The following TMEM184B variants were observed in gnomAD, a reference collection of about 807,000 sequenced individuals.
TMEM184B encodes transmembrane protein 184B.
Under a neutral mutation model 41.8 loss-of-function variants are expected in TMEM184B, and 17 were observed. The observed-to-expected ratio is 0.41, with a 90% CI of 0.28 to 0.61. TMEM184B has a LOEUF of 0.61. TMEM184B is among the 20% of genes least tolerant of loss of function. TMEM184B has a pLI of 0.34. For missense variants in TMEM184B, 393 were observed against 557.8 expected (o/e 0.70, Z 2.98); for synonymous variants, 240 against 229.5 (o/e 1.05, Z -0.41).
At chr22:38,256,870 G>C (rs2092287987) in intron 1 of TMEM184B, among the ~76,000 whole-genome samples, 1 of 151,868 alleles carries the variant, frequency 6.6e-6, no homozygotes. Context: ...ACAGGAAATT[G>C]CAAAAATAGA....
In TMEM184B at chr22:38,225,199, G is replaced by A. The variant is rs144135940; in HGVS notation, c.788-220C>T. ...AAACTGAGATGCCAGCAATTACGCA[G>A]GGTCTCCTGGGCCCTCTCATCCATG... On this transcript the variant is annotated intron_variant, in intron 7 of 8. Transcript: ENST00000361906. The surrounding 1 kb of genome is among the most constrained non-coding windows in gnomAD (Gnocchi z 4.4). Among the ~76,000 whole-genome samples the A allele has an allele frequency of 6.4e-4, 97 of 152,250 alleles. No homozygotes were observed. The highest frequency in any genetic ancestry group is 2.3e-3 in the African/African-American group (94 of 41,560).
chr22:38,253,213 C>T (rs1482873977), intron 1 of TMEM184B, among the ~76,000 whole-genome samples: 1 of 152,038 alleles, frequency 6.6e-6, no homozygotes, highest in Non-Finnish European at 1.5e-5. Flanking sequence ...CCCTGGCACT[C>T]GGGGAGGTGA....
chr22:38,257,102 C>T (rs1278526325), intron 1 of TMEM184B, among the ~76,000 whole-genome samples: 1 of 151,284 alleles, frequency 6.6e-6, no homozygotes, highest in Non-Finnish European at 1.5e-5. Flanking sequence ...CTGCCTCAGC[C>T]TCCCAAGTAG....
At chr22:38,241,263 GGTTT>G (rs1465496672) in intron 3 of TMEM184B, among the ~76,000 whole-genome samples, 1 of 152,148 alleles carries the variant, frequency 6.6e-6, no homozygotes, top group Admixed American at 6.5e-5. Context: ...CTGGTTGGTT[GGTTT>G]GTTTTGTTTT....
At chr22:38,240,728 A>T (rs1276344148) in intron 3 of TMEM184B, among the ~76,000 whole-genome samples, 44 of 143,210 alleles carry the variant, frequency 3.1e-4, no homozygotes, top group African/African-American at 1.2e-3. Flanking sequence ...GGGGGAAAAA[A>T]AGGCAAAAAA....
chr22:38,231,412 GGA>G (rs2091616142), intron 3 of TMEM184B, 78 bp from the exon 4 acceptor site: 1 of 1,179,868 alleles, frequency 8.5e-7, no homozygotes. Context: ...AAACAGCAAT[GGA>G]GGTGAAAGAG....
intron 3 of TMEM184B, 98 bp from the exon 4 acceptor site, chr22:38,231,432 T>C (rs2145600181): frequency 2.0e-6 from 2 of 989,006 alleles, no homozygotes; most frequent in Non-Finnish European, 3.3e-6. Flanking sequence ...GAGCCACAGC[T>C]GTGTGTGGCA....
intron 1 of TMEM184B, among the ~76,000 whole-genome samples, chr22:38,263,075 G>A (rs879834976): frequency 2.6e-5 from 4 of 152,026 alleles, no homozygotes; most frequent in Non-Finnish European, 5.9e-5. Flanking sequence ...GCTAATTTGT[G>A]TATTTTTAGT....
chr22:38,221,810 C>T, intron 8 of TMEM184B, 100 bp from the exon 9 acceptor site: 2 of 1,500,888 alleles, frequency 1.3e-6, no homozygotes, highest in Non-Finnish European at 1.8e-6. Flanking sequence ...CACCCCCCAA[C>T]CCAAAGCTAT....
Position 38,220,488 on chromosome 22 carries a change from C to T in TMEM184B, c.*981G>A, listed in dbSNP as rs1341364426. 2 of 985,852 alleles carry T rather than the reference C, an allele frequency of 2.0e-6. No homozygotes were observed. The highest frequency in any genetic ancestry group is 6.1e-5 in the Admixed American group (1 of 16,272). 61.1% of individuals were successfully genotyped at this position (985,852 alleles called of 1,614,324 possible). A position where few individuals can be genotyped will look rare whatever the true frequency, so the allele number is the denominator to read the frequency against. On this transcript the variant is annotated 3_prime_UTR_variant, in exon 9 of 9. Transcript: ENST00000361906. ...ACCATTCCCCCCACCTCCCAGCTCC[C>T]CACTGTGTGGCCACCCCTCCCGGTC...
rs1269368635 is a variant in TMEM184B at position 38,247,864 on chromosome 22, G to A, written c.98C>T (p.Thr33Ile). 8 of 1,613,316 alleles carry A rather than the reference G, an allele frequency of 5.0e-6. No homozygotes were observed. The highest frequency in any genetic ancestry group is 6.8e-6 in the Non-Finnish European group (8 of 1,179,884). ...CAGGAACACAGGCTGCTCCATGGCA[G>A]TGGGGCTGCCCTCGGGGATCACGGA... ...SVSVIPEGSP[T>I]AMEQPVFLMT... The change falls in exon 2 of 9, where the codon ACT (threonine) becomes ATT (isoleucine). Residue 33 changes from threonine (T) to isoleucine (I), a missense_variant. Transcript: ENST00000361906.
In TMEM184B at chr22:38,245,291, C is replaced by A. The variant is rs563091735; in HGVS notation, c.358+644G>T. Among the ~76,000 whole-genome samples the A allele has an allele frequency of 5.9e-5, 9 of 152,124 alleles. No homozygotes were observed. The South Asian group carries it at 1.5e-3, about 25-fold the overall frequency. ...AGACGCCAGCATTGAGAAGCGAGAC[C>A]CAGGGGGAGGGCCCTTGCTTCCAGG... On this transcript the variant is annotated intron_variant, in intron 3 of 8. Transcript: ENST00000361906.
Position 38,239,007 on chromosome 22 carries a change from T to G in TMEM184B, c.358+6928A>C, listed in dbSNP as rs1355091611. On this transcript the variant is annotated intron_variant, in intron 3 of 8. Transcript: ENST00000361906. The surrounding 1 kb of genome is among the most constrained non-coding windows in gnomAD (Gnocchi z 4.6). Reference sequence around the variant, plus strand: ...GCAAACATTCCTAACAAACAGCAACTGCATAAAGCGACATACGGACACCGC... The same window carrying G: ...GCAAACATTCCTAACAAACAGCAACGGCATAAAGCGACATACGGACACCGC... Among the ~76,000 whole-genome samples, 4 of 152,294 alleles carry G rather than the reference T, an allele frequency of 2.6e-5. No individual in the cohort carries two copies. The East Asian group carries it at 7.7e-4, about 29-fold the overall frequency.
intron 3 of TMEM184B, among the ~76,000 whole-genome samples, chr22:38,240,620 G>A (rs1014402063): frequency 1.3e-5 from 2 of 151,728 alleles, no homozygotes; most frequent in Non-Finnish European, 2.9e-5. Context: ...CACACTGGAA[G>A]GGCCCGCCAG....
At chr22:38,228,015 G>T (rs1439955980) in intron 5 of TMEM184B, among the ~76,000 whole-genome samples, 2 of 152,200 alleles carry the variant, frequency 1.3e-5, no homozygotes, top group African/African-American at 4.8e-5. Flanking sequence ...CTGCAAAGAG[G>T]ACGAGGAGCC....
At chr22:38,270,352 C>T (rs1464096094) in intron 1 of TMEM184B, among the ~76,000 whole-genome samples, 1 of 152,212 alleles carries the variant, frequency 6.6e-6, no homozygotes, top group African/African-American at 2.4e-5. Flanking sequence ...ACAGTGACAG[C>T]CCCCACCACA....
At chr22:38,249,555 A>C (rs1414778421) in intron 1 of TMEM184B, among the ~76,000 whole-genome samples, 1 of 152,184 alleles carries the variant, frequency 6.6e-6, no homozygotes, top group Non-Finnish European at 1.5e-5. Flanking sequence ...GCCCTCATAA[A>C]AGGAACCCCA....
intron 1 of TMEM184B, among the ~76,000 whole-genome samples, chr22:38,262,695 G>A (rs1324393240): frequency 6.6e-6 from 1 of 152,088 alleles, no homozygotes. Context: ...CCCAGAGAGG[G>A]CTCCATCTCT....
rs930692722 is a variant in TMEM184B, at chr22:38,272,600, C to G, written c.-59+284G>C. 7 of 985,604 alleles carry G rather than the reference C, an allele frequency of 7.1e-6. No homozygotes were observed. The African/African-American group carries it at 8.7e-5, about 12-fold the overall frequency. The allele number at this position is 985,604 out of a possible 1,614,324, so 61.1% of individuals were successfully genotyped here. Reference sequence around the variant, plus strand: ...CCCTCTCCCGGGGCCGCCCCCCGGACAGGTCCGATTACACTCCAGGAGCTG... The same window carrying G: ...CCCTCTCCCGGGGCCGCCCCCCGGAGAGGTCCGATTACACTCCAGGAGCTG... On this transcript the variant is annotated intron_variant, in intron 1 of 8. Coordinates refer to ENST00000361906, the MANE Select transcript of TMEM184B (RefSeq NM_012264.5).
Sources: allele counts gnomAD v4.1 joint callset (sites outside exome capture counted in the v4.1 genomes callset), GRCh38; gene constraint gnomAD v4.1.1; non-coding constraint Gnocchi (gnomAD v3.1); transcripts MANE v1.5; gene names NCBI Gene and HGNC (gene_info 2026-07-23, HGNC 2026-07-21).